The following GXYLT1 variants were observed in gnomAD, a reference collection of about 807,000 sequenced individuals.
GXYLT1 encodes the protein glucoside xylosyltransferase 1.
A neutral mutation model predicts 54.0 loss-of-function variants in GXYLT1; 29 were observed. That is an observed-to-expected ratio of 0.54 (90% CI 0.40 to 0.73). The LOEUF (loss-of-function observed/expected upper bound fraction) is 0.73. Ranked by LOEUF, GXYLT1 falls within the 30% of genes least tolerant of loss-of-function variation. The pLI is 0.00. For missense variants in GXYLT1, 490 were observed against 553.4 expected, an observed-to-expected ratio of 0.89 and a Z score of 1.15; for synonymous variants, 176 against 204.1, an observed-to-expected ratio of 0.86 and a Z score of 1.17.
In GXYLT1 at chr12:42,114,410, A is replaced by C. The variant is rs145685921; in HGVS notation, c.486+4590T>G. ...AGACTAACAAAGAAGAAAAGAGAGAAGAATCAAATACACGCAATAAAACAT... is the reference window on the plus strand; with the variant it reads ...AGACTAACAAAGAAGAAAAGAGAGACGAATCAAATACACGCAATAAAACAT... On this transcript the variant is annotated intron_variant, in intron 3 of 7. Coordinates refer to ENST00000398675, the MANE Select transcript of GXYLT1 (RefSeq NM_173601.2). Among the ~76,000 whole-genome samples the C allele has an allele frequency of 9.4e-3, 1,437 of 152,318 alleles. 26 individuals carry two copies. The highest frequency in any genetic ancestry group is 0.033 in the African/African-American group (1,383 of 41,578).
In GXYLT1 at chr12:42,144,410, C is replaced by T; in HGVS notation, c.221+16G>A. 2 of 1,345,246 alleles carry T rather than the reference C, an allele frequency of 1.5e-6. No individual in the cohort carries two copies. Among genetic ancestry groups the T allele is most frequent in the Non-Finnish European group, 9.6e-7 (1 of 1,045,812 alleles). 83.3% of individuals were successfully genotyped at this position (1,345,246 alleles called of 1,614,324 possible). ...CCCGCGCCCGCCGCGTCCCCCACAC[C>T]GGGAACTGCCCGTACCTGTCCGACA... On this transcript the variant is annotated intron_variant, in intron 1 of 7. Transcript: ENST00000398675.
intron 4 of GXYLT1, among the ~76,000 whole-genome samples, chr12:42,106,620 G>T (rs1273001605): frequency 6.6e-6 from 1 of 152,040 alleles, no homozygotes; most frequent in Non-Finnish European, 1.5e-5. Flanking sequence ...TGTGCACCTA[G>T]CAAGGGTAAA....
chr12:42,134,982 C>A (rs3852594), intron 1 of GXYLT1, among the ~76,000 whole-genome samples: 1 of 152,076 alleles, frequency 6.6e-6, no homozygotes, highest in South Asian at 2.1e-4. Flanking sequence ...ATTCACTCCC[C>A]ACATTTAACT....
chr12:42,116,130 C>T (rs939814648), intron 3 of GXYLT1, among the ~76,000 whole-genome samples: 1 of 151,908 alleles, frequency 6.6e-6, no homozygotes, highest in Admixed American at 6.6e-5. Flanking sequence ...AAAATTAATT[C>T]AAGATGGATT....
At position 42,144,668 on chromosome 12, in the gene GXYLT1, TCGCCGCCGC is replaced by T; in HGVS notation, c.-31_-23del. The T allele has an allele frequency of 1.4e-6, 2 of 1,380,350 alleles. No individual in the cohort carries two copies. The highest frequency in any genetic ancestry group is 1.9e-6 in the Non-Finnish European group (2 of 1,056,872). 85.5% of individuals were successfully genotyped at this position (1,380,350 alleles called of 1,614,324 possible). ...GCATCGCCCCGGCCGCGCTCCTCCT[TCGCCGCCGC>T]CGCCGCGCCCGCCCCGACGAACTGG... On this transcript the variant is annotated 5_prime_UTR_variant, in exon 1 of 8. Transcript: ENST00000398675.
At chr12:42,093,067 C>T (rs2136875079) in intron 7 of GXYLT1, among the ~76,000 whole-genome samples, 1 of 152,190 alleles carries the variant, frequency 6.6e-6, no homozygotes, top group African/African-American at 2.4e-5. Context: ...GTTAGCAGTC[C>T]CTAATATACG....
chr12:42,118,502 A>G (rs34152211), intron 3 of GXYLT1, among the ~76,000 whole-genome samples: 26,464 of 152,248 alleles, frequency 0.17, 2,313 homozygotes, highest in African/African-American at 0.18. Flanking sequence ...GAAGTGGTTC[A>G]AGGAGCACTC....
chr12:42,098,130 T>A, intron 5 of GXYLT1, 97 bp from the exon 6 acceptor site: 1 of 1,167,084 alleles, frequency 8.6e-7, no homozygotes, highest in Non-Finnish European at 1.2e-6. Context: ...CCATTACAAA[T>A]CCACAAAGAG....
rs187137716 is a variant in GXYLT1 at position 42,139,910 on chromosome 12, G to A, written c.221+4516C>T. On this transcript the variant is annotated intron_variant, in intron 1 of 7. Transcript: ENST00000398675. The stretch of plus-strand genomic sequence containing the variant: ...AAAAGGGGGGAAAAGGGCTGGGCAC[G>A]GTGGCTAATGCCTGTAATCCCAGCA... Among the ~76,000 whole-genome samples, 635 of 152,188 alleles carry A rather than the reference G, an allele frequency of 4.2e-3. 4 individuals are homozygous for A. The highest frequency in any genetic ancestry group is 0.014 in the Middle Eastern group (4 of 294).
At chr12:42,124,564 A>G (rs960448348) in intron 2 of GXYLT1, among the ~76,000 whole-genome samples, 2 of 152,222 alleles carry the variant, frequency 1.3e-5, no homozygotes, top group South Asian at 4.1e-4. Context: ...ATCAACAAAA[A>G]GCTATCATTT....
At chr12:42,140,658 A>T (rs1329250753) in intron 1 of GXYLT1, among the ~76,000 whole-genome samples, 1 of 152,184 alleles carries the variant, frequency 6.6e-6, no homozygotes, top group Non-Finnish European at 1.5e-5. Context: ...TATTCCCAGG[A>T]TCCAGCAGAA....
chr12:42,106,144 T>C, intron 4 of GXYLT1, 75 bp from the exon 5 acceptor site: 1 of 976,876 alleles, frequency 1.0e-6, no homozygotes. Flanking sequence ...TCTAATTGTG[T>C]AAGATACACC....
intron 3 of GXYLT1, among the ~76,000 whole-genome samples, chr12:42,117,661 T>C (rs1565575471): frequency 6.6e-6 from 1 of 152,156 alleles, no homozygotes; most frequent in Non-Finnish European, 1.5e-5. Flanking sequence ...GAATGATCAT[T>C]AGCATCACCT....
At chr12:42,129,720 T>G in intron 2 of GXYLT1, 39 bp downstream of exon 2, 1 of 1,262,184 alleles carries the variant, frequency 7.9e-7, no homozygotes, top group South Asian at 1.2e-5. Context: ...TATCTAACCT[T>G]ATCTACACTG....
In GXYLT1 at chr12:42,135,836, T is replaced by C. The variant is rs185325900; in HGVS notation, c.222-5985A>G. On this transcript the variant is annotated intron_variant, in intron 1 of 7. Coordinates refer to ENST00000398675, the MANE Select transcript of GXYLT1 (RefSeq NM_173601.2). The stretch of plus-strand genomic sequence containing the variant: ...GAGTTACTGTTACTGGATACAGGGT[T>C]TCTTTGGGGGGTAATGATTTACTTC... 3.2e-4 allele frequency among the ~76,000 whole-genome samples: 48 copies of C among 152,310 alleles called. 1 individual carries two copies. Among genetic ancestry groups the C allele is most frequent in the Admixed American group, 3.0e-3 (46 of 15,304 alleles).
intron 7 of GXYLT1, among the ~76,000 whole-genome samples, chr12:42,096,046 G>C (rs1008816978): frequency 1.3e-5 from 2 of 152,156 alleles, no homozygotes; most frequent in African/African-American, 4.8e-5. Context: ...AAAATGTGTT[G>C]ATGACAGAAG....
chr12:42,143,019 C>T (rs2065660594), intron 1 of GXYLT1, among the ~76,000 whole-genome samples: 1 of 152,102 alleles, frequency 6.6e-6, no homozygotes, highest in African/African-American at 2.4e-5. Flanking sequence ...TTTATTAAAA[C>T]TGAGGCTATT....
At chr12:42,101,043 A>G (rs930405086) in intron 5 of GXYLT1, among the ~76,000 whole-genome samples, 25 of 151,994 alleles carry the variant, frequency 1.6e-4, no homozygotes, top group African/African-American at 5.8e-4. Context: ...AAAAATAAAA[A>G]GGGAAAAAAA....
Position 42,087,504 on chromosome 12 carries a change from G to A in GXYLT1, c.*282C>T. 1 of 285,038 alleles carries A rather than the reference G, an allele frequency of 3.5e-6. No homozygotes were observed. Among genetic ancestry groups the A allele is most frequent in the Non-Finnish European group, 6.6e-6 (1 of 152,652 alleles). 17.7% of individuals were successfully genotyped at this position (285,038 alleles called of 1,614,324 possible). On this transcript the variant is annotated 3_prime_UTR_variant, in exon 8 of 8. Coordinates refer to ENST00000398675, the MANE Select transcript of GXYLT1 (RefSeq NM_173601.2). ...CCACTCTTGAGAGTATGAGTCAACA[G>A]AAGTCTGCAGGTTAAACCCATTCAA...
Sources: gnomAD v4.1 joint callset for allele counts (sites outside exome capture counted in the v4.1 genomes callset) on GRCh38, gnomAD v4.1.1 for gene constraint, MANE v1.5 for transcripts, NCBI Gene and HGNC (gene_info 2026-07-23, HGNC 2026-07-21) for gene names.